RGS7: variants seen among roughly 807,000 people sequenced by gnomAD.
The protein encoded by RGS7 is regulator of G protein signaling 7.
In RGS7, 27 loss-of-function variants were observed where a neutral mutation model predicts 81.1. The observed-to-expected ratio is 0.33, with a 90% CI of 0.25 to 0.46. The LOEUF (loss-of-function observed/expected upper bound fraction) is 0.46. RGS7 is among the 20% of genes least tolerant of loss of function. The pLI, the probability that RGS7 is intolerant of heterozygous loss-of-function variation, is 1.00. For synonymous variants in RGS7, 208 were observed against 207.7 expected (o/e 1.00, Z -0.01); for missense variants, 396 against 607.4 (o/e 0.65, Z 3.66).
intron 2 of RGS7, among the ~76,000 whole-genome samples, chr1:241,147,780 T>TATATATATATA (rs2068424502): frequency 8.3e-4 from 37 of 44,644 alleles, no homozygotes; most frequent in South Asian, 2.4e-3. Flanking sequence ...AGATTAAGTT[T>TATATATATATA]TATATATATA....
intron 10 of RGS7, 134 bp downstream of exon 10, chr1:240,826,964 G>T: frequency 2.6e-6 from 2 of 772,988 alleles, no homozygotes; most frequent in Non-Finnish European, 4.6e-6. Flanking sequence ...TATTCTTGAG[G>T]AAGGGAGGGC....
At chr1:241,329,281 T>C (rs1286457163) in intron 2 of RGS7, among the ~76,000 whole-genome samples, 1 of 152,178 alleles carries the variant, frequency 6.6e-6, no homozygotes, top group African/African-American at 2.4e-5. Flanking sequence ...ATTTTGCATA[T>C]TTACTTTGAC....
chr1:241,259,438 T>C (rs1418923718), intron 2 of RGS7, among the ~76,000 whole-genome samples: 1 of 151,506 alleles, frequency 6.6e-6, no homozygotes, highest in Non-Finnish European at 1.5e-5. Context: ...GTGGATCACC[T>C]GAGATCGGTA....
chr1:241,337,427 T>G (rs2082307483), intron 2 of RGS7, among the ~76,000 whole-genome samples: 1 of 152,162 alleles, frequency 6.6e-6, no homozygotes, highest in Non-Finnish European at 1.5e-5. Flanking sequence ...AGGGAATCAC[T>G]GCAGTCTAAC....
At chr1:240,928,834 C>T (rs1168064536) in intron 6 of RGS7, among the ~76,000 whole-genome samples, 2 of 152,038 alleles carry the variant, frequency 1.3e-5, no homozygotes, top group African/African-American at 4.8e-5. Context: ...TGGTCTCAAA[C>T]TCTTGATCTC....
intron 3 of RGS7, among the ~76,000 whole-genome samples, chr1:241,019,582 C>T (rs1415220253): frequency 6.6e-6 from 1 of 152,108 alleles, no homozygotes; most frequent in Non-Finnish European, 1.5e-5. Context: ...GTTCAACTCC[C>T]ACTTATGAGT....
At chr1:240,919,963 A>C in intron 6 of RGS7, 1 of 1,351,174 alleles carries the variant, frequency 7.4e-7, no homozygotes, top group Non-Finnish European at 1.0e-6. Context: ...TTAACTGTGA[A>C]AAACATATTT....
At chr1:241,351,436 A>AC (rs1293750595) in intron 2 of RGS7, among the ~76,000 whole-genome samples, 1 of 150,904 alleles carries the variant, frequency 6.6e-6, no homozygotes, top group Non-Finnish European at 1.5e-5. Context: ...AAAAAAAAAA[A>AC]ATAGAATGGA....
intron 9 of RGS7, among the ~76,000 whole-genome samples, chr1:240,832,673 C>T (rs750986413): frequency 6.6e-6 from 1 of 152,138 alleles, no homozygotes; most frequent in Non-Finnish European, 1.5e-5. Context: ...TGGTGAAGAG[C>T]GACAGTGAGA....
intron 2 of RGS7, among the ~76,000 whole-genome samples, chr1:241,302,268 G>A (rs551289702): frequency 1.5e-4 from 23 of 151,130 alleles, no homozygotes; most frequent in African/African-American, 4.4e-4. Flanking sequence ...GGCTTCGGCC[G>A]GCCGGGCGCG....
chr1:241,266,079 C>A (rs1417314230), intron 2 of RGS7, among the ~76,000 whole-genome samples: 2 of 152,108 alleles, frequency 1.3e-5, no homozygotes, highest in Non-Finnish European at 2.9e-5. Flanking sequence ...CAGGCATAAG[C>A]CACCGCGCCT....
chr1:240,895,264 T>TTTTCTTTC (rs145285821), intron 6 of RGS7, among the ~76,000 whole-genome samples: 2 of 151,462 alleles, frequency 1.3e-5, no homozygotes, highest in African/African-American at 2.4e-5. Flanking sequence ...TTTTCTTTCT[T>TTTTCTTTC]TTTCTTTCTT....
At chr1:241,141,328 G>A (rs2067905211) in intron 2 of RGS7, among the ~76,000 whole-genome samples, 1 of 152,168 alleles carries the variant, frequency 6.6e-6, no homozygotes, top group Admixed American at 6.5e-5. Context: ...AAGGAGCTGG[G>A]AATCCCCACG....
intron 2 of RGS7, among the ~76,000 whole-genome samples, chr1:241,209,690 A>G (rs962234965): frequency 6.6e-6 from 1 of 151,988 alleles, no homozygotes; most frequent in African/African-American, 2.4e-5. Context: ...TTTAAAAATT[A>G]GCTGGGCAGC....
chr1:240,932,220 G>A lies in RGS7; in HGVS notation c.334-1452C>T, dbSNP rs114878609. Among the ~76,000 whole-genome samples the A allele has an allele frequency of 6.8e-3, 1,029 of 152,136 alleles. 5 individuals carry two copies. Among genetic ancestry groups the A allele is most frequent in the African/African-American group, 0.024 (995 of 41,494 alleles). On this transcript the variant is annotated intron_variant, in intron 5 of 18. Transcript: ENST00000440928. The stretch of plus-strand genomic sequence containing the variant: ...ACCCAGGGATTTCAACTTACCCTCC[G>A]TTCTTTCTTGGGAATTACAGTAGTA...
At chr1:241,039,839 G>C (rs2060516593) in intron 3 of RGS7, among the ~76,000 whole-genome samples, 2 of 152,152 alleles carry the variant, frequency 1.3e-5, no homozygotes, top group Admixed American at 6.5e-5. Context: ...TCGCCACTTG[G>C]AGAACCGACT....
chr1:240,830,735 C>T (rs376369845), intron 9 of RGS7, among the ~76,000 whole-genome samples: 19 of 152,278 alleles, frequency 1.2e-4, no homozygotes, highest in Admixed American at 7.2e-4. Context: ...CTAATTTGAA[C>T]TCTAAACTCC....
At chr1:241,330,166 C>G (rs537906418) in intron 2 of RGS7, among the ~76,000 whole-genome samples, 2 of 152,086 alleles carry the variant, frequency 1.3e-5, no homozygotes, top group Non-Finnish European at 2.9e-5. Flanking sequence ...GTCTCGATCT[C>G]CTGACCTCGT....
chr1:241,302,265 GC>G (rs1188021636), intron 2 of RGS7, among the ~76,000 whole-genome samples: 2 of 152,010 alleles, frequency 1.3e-5, no homozygotes, highest in African/African-American at 2.4e-5. Flanking sequence ...TTTGGCTTCG[GC>G]CGGCCGGGCG....
Sources: gnomAD v4.1 joint callset for allele counts (sites outside exome capture counted in the v4.1 genomes callset) on GRCh38, gnomAD v4.1.1 for gene constraint, MANE v1.5 for transcripts, NCBI Gene and HGNC (gene_info 2026-07-23, HGNC 2026-07-21) for gene names.